Variants in CLNS1A observed in about 807,000 individuals in gnomAD.
CLNS1A encodes the protein chloride nucleotide-sensitive channel 1A, also known as methylosome subunit pICln.
In CLNS1A, 16 loss-of-function variants were observed where a neutral mutation model predicts 29.4. That is an observed-to-expected ratio of 0.54 (90% confidence interval 0.37 to 0.83). The LOEUF (loss-of-function observed/expected upper bound fraction) is 0.83. Ranked by LOEUF, CLNS1A falls within the 40% of genes least tolerant of loss-of-function variation. CLNS1A has a pLI of 0.00. For missense variants in CLNS1A, 235 were observed against 287.4 expected (o/e 0.82, Z 1.32); for synonymous variants, 96 against 104.8 (o/e 0.92, Z 0.51).
intron 2 of CLNS1A, among the ~76,000 whole-genome samples, chr11:77,629,340 C>T (rs1477503845): frequency 1.3e-5 from 2 of 152,080 alleles, no homozygotes; most frequent in Admixed American, 1.3e-4. Context: ...TAAACTACTA[C>T]CCAAAATGAG....
intron 2 of CLNS1A, among the ~76,000 whole-genome samples, chr11:77,629,059 C>T (rs796513778): frequency 1.3e-5 from 2 of 152,246 alleles, no homozygotes; most frequent in African/African-American, 4.8e-5. Context: ...ATCCCCCCTA[C>T]AACCACTGAG....
chr11:77,618,585 C>A (rs967972929), intron 6 of CLNS1A: 3 of 152,224 alleles, frequency 2.0e-5, no homozygotes, highest in African/African-American at 7.2e-5. Flanking sequence ...GAAGAAAGCA[C>A]AGGTCCAGTA....
At chr11:77,627,352 T>C (rs1309468567) in intron 2 of CLNS1A, among the ~76,000 whole-genome samples, 1 of 149,598 alleles carries the variant, frequency 6.7e-6, no homozygotes, top group Non-Finnish European at 1.5e-5. Flanking sequence ...GGCAGAAGAA[T>C]CGCTTGAACC....
chr11:77,622,552 G>A lies in CLNS1A; in HGVS notation c.594C>T (p.Ser198=). 2 of 1,612,372 alleles carry A rather than the reference G, an allele frequency of 1.2e-6. No individual in the cohort carries two copies. Among genetic ancestry groups the A allele is most frequent in the African/African-American group, 1.3e-5 (1 of 74,890 alleles). The part of the protein sequence containing the change: ...LEGMLSQSVS[S]QYNMAGVRTE... ...TCCTGACCCCAGCCATATTATACTG[G>A]CTGCTCACAGACTGAGAAAGCATTC... is the stretch of plus-strand genomic sequence containing the variant. Residue 198 remains serine, a synonymous_variant, in exon 5 of 7, where the codon AGC becomes AGT. Transcript: ENST00000525428.
At chr11:77,619,237 G>A (rs1958933503) in intron 6 of CLNS1A, among the ~76,000 whole-genome samples, 1 of 152,050 alleles carries the variant, frequency 6.6e-6, no homozygotes, top group African/African-American at 2.4e-5. Flanking sequence ...TTTTAAAGAA[G>A]GAAAAAGAAA....
intron 5 of CLNS1A, among the ~76,000 whole-genome samples, chr11:77,620,749 A>T (rs1958949213): frequency 6.6e-6 from 1 of 152,168 alleles, no homozygotes; most frequent in African/African-American, 2.4e-5. Context: ...GTGGAGGCCA[A>T]GGCAGGCAGA....
At chr11:77,621,985 T>A (rs1289324318) in intron 5 of CLNS1A, 1 of 456,290 alleles carries the variant, frequency 2.2e-6, no homozygotes, top group Non-Finnish European at 4.4e-6. Flanking sequence ...CTTGCCAGCC[T>A]TCAGTCACGT....
intron 5 of CLNS1A, among the ~76,000 whole-genome samples, chr11:77,619,983 G>A (rs1958940556): frequency 6.6e-6 from 1 of 152,182 alleles, no homozygotes; most frequent in African/African-American, 2.4e-5. Context: ...ACCCTTTACA[G>A]ATCTAAGTAT....
intron 1 of CLNS1A, among the ~76,000 whole-genome samples, chr11:77,630,937 C>A (rs1161490787): frequency 1.3e-5 from 2 of 152,132 alleles, no homozygotes; most frequent in East Asian, 3.9e-4. Context: ...AGACTAAAAA[C>A]TAGTGAATTG....
intron 1 of CLNS1A, among the ~76,000 whole-genome samples, chr11:77,634,723 C>CAA (rs763196921): frequency 7.6e-4 from 41 of 53,658 alleles, no homozygotes; most frequent in Admixed American, 1.6e-3. Flanking sequence ...GACTCTGTCT[C>CAA]AAAAAAAAAA....
intron 5 of CLNS1A, 22 bp from the exon 6 acceptor site, chr11:77,619,717 T>C (rs747835124): frequency 1.9e-6 from 3 of 1,549,270 alleles, no homozygotes; most frequent in Admixed American, 1.7e-5. Flanking sequence ...AATTAATTAC[T>C]GAGCAATCCC....
chr11:77,627,829 A>AC (rs1273468789), intron 2 of CLNS1A, among the ~76,000 whole-genome samples: 2 of 151,964 alleles, frequency 1.3e-5, no homozygotes, highest in Admixed American at 6.6e-5. Flanking sequence ...CAGAGTTCTT[A>AC]CTTTTTTTTC....
chr11:77,622,463 GCT>G, intron 5 of CLNS1A, 35 bp downstream of exon 5: 1 of 1,489,628 alleles, frequency 6.7e-7, no homozygotes, highest in South Asian at 1.3e-5. Flanking sequence ...TTGCCCAAGT[GCT>G]CATCTGACTG....
At chr11:77,624,127 T>C (rs1958991183) in intron 4 of CLNS1A, among the ~76,000 whole-genome samples, 2 of 152,054 alleles carry the variant, frequency 1.3e-5, no homozygotes, top group Admixed American at 1.3e-4. Context: ...TAGCCAGGCA[T>C]GGTGGCGCAA....
At position 77,619,695 on chromosome 11, in the gene CLNS1A, T is replaced by G; in HGVS notation, c.647A>C (p.Asp216Ala). Reference sequence around the variant, plus strand: ...TGGTGTGGTATCCACCTCCATCCCATCTAAACAAAAAAATTAATTACTGAG... The same window carrying G: ...TGGTGTGGTATCCACCTCCATCCCAGCTAAACAAAAAAATTAATTACTGAG... ...RTEDSIRDYE[D>A]GMEVDTTPTV... is the part of the protein sequence containing the mutation. Residue 216 changes from aspartate (D) to alanine (A), a missense_variant and splice_region_variant, in exon 6 of 7, where the codon GAT becomes GCT. Asp to Ala is a moderately radical substitution (Grantham distance 126, BLOSUM62 -2). Coordinates refer to ENST00000525428, the MANE Select transcript of CLNS1A (RefSeq NM_001293.3). 1.9e-6 allele frequency: 3 copies of G among 1,612,066 alleles called. No homozygotes were observed. The highest frequency in any genetic ancestry group is 2.5e-6 in the Non-Finnish European group (3 of 1,178,248).
At chr11:77,619,325 A>G (rs1240843379) in intron 6 of CLNS1A, among the ~76,000 whole-genome samples, 1 of 152,182 alleles carries the variant, frequency 6.6e-6, no homozygotes, top group Non-Finnish European at 1.5e-5. Context: ...TGAGGCCAGG[A>G]GTTAGAGACC....
At chr11:77,630,906 T>C (rs928227016) in intron 1 of CLNS1A, among the ~76,000 whole-genome samples, 3 of 152,220 alleles carry the variant, frequency 2.0e-5, no homozygotes, top group African/African-American at 7.2e-5. Flanking sequence ...ATGGTGGTGA[T>C]AATTGCACAA....
intron 4 of CLNS1A, 97 bp downstream of exon 4, chr11:77,624,866 T>C (rs1958999927): frequency 1.4e-6 from 1 of 717,972 alleles, no homozygotes; most frequent in East Asian, 2.6e-5. Context: ...TTTACAGTCA[T>C]ATAAAGAACT....
At chr11:77,631,531 A>G (rs1959074652) in intron 1 of CLNS1A, among the ~76,000 whole-genome samples, 1 of 151,786 alleles carries the variant, frequency 6.6e-6, no homozygotes, top group South Asian at 2.1e-4. Flanking sequence ...GTTAGCCAGG[A>G]TGGTCTGGAT....
Sources: allele counts gnomAD v4.1 joint callset (sites outside exome capture counted in the v4.1 genomes callset), GRCh38; gene constraint gnomAD v4.1.1; transcripts MANE v1.5; gene names NCBI Gene and HGNC (gene_info 2026-07-23, HGNC 2026-07-21).